LIMA1: variants seen among roughly 807,000 people sequenced by gnomAD.
LIMA1 encodes LIM domain and actin-binding protein 1.
A neutral mutation model predicts 62.6 loss-of-function variants in LIMA1; 52 were observed. The observed-to-expected ratio is 0.83, with a 90% CI of 0.67 to 1.05. The LOEUF is 1.05. LIMA1 is among the 50% of genes least tolerant of loss of function. The pLI is 0.00. For synonymous variants in LIMA1, 302 were observed against 317.8 expected (o/e 0.95, Z 0.53); for missense variants, 780 against 902.2 (o/e 0.86, Z 1.74).
chr12:50,222,448 G>T lies in LIMA1; in HGVS notation c.203C>A (p.Thr68Asn). The change falls in exon 4 of 11, where the codon ACC becomes AAC. Residue 68 changes from threonine (T) to asparagine (N), a missense_variant. By Grantham distance (65) the Thr-to-Asn change is moderately conservative. Transcript: ENST00000341247. ...ENLSQHFRKG[T>N]LTVLKKKWEN... ...CCACTTCTTCTTTAACACAGTCAGG[G>T]TCCCCTTTCTAAAGTGCTGGGAGAG... 6.2e-7 allele frequency: 1 copy of T among 1,614,110 alleles called. No individual in the cohort carries two copies. Among genetic ancestry groups the T allele is most frequent in the South Asian group, 1.1e-5 (1 of 91,080 alleles).
At chr12:50,235,046 C>T (rs1365938996) in intron 2 of LIMA1, among the ~76,000 whole-genome samples, 1 of 152,036 alleles carries the variant, frequency 6.6e-6, no homozygotes, top group East Asian at 1.9e-4. Context: ...AATTCTCCTA[C>T]CTCAGCCTTG....
intron 3 of LIMA1, among the ~76,000 whole-genome samples, chr12:50,231,001 C>A (rs959464437): frequency 6.6e-6 from 1 of 152,176 alleles, no homozygotes; most frequent in African/African-American, 2.4e-5. Context: ...AGGTTAGCTA[C>A]TGAAAACTGC....
chr12:50,197,549 T>C (rs1271697415), intron 7 of LIMA1, among the ~76,000 whole-genome samples: 1 of 152,188 alleles, frequency 6.6e-6, no homozygotes, highest in Admixed American at 6.6e-5. Flanking sequence ...TGTCTTTATC[T>C]CCTTTCTTCC....
intron 1 of LIMA1, among the ~76,000 whole-genome samples, chr12:50,261,726 G>GGT (rs1942075856): frequency 6.6e-6 from 1 of 152,108 alleles, no homozygotes; most frequent in African/African-American, 2.4e-5. Flanking sequence ...GGAACGCAGT[G>GGT]GTGTGATCAT....
At position 50,248,778 on chromosome 12, in the gene LIMA1, T is replaced by C; in HGVS notation, c.-23-4A>G. The C allele has an allele frequency of 7.6e-7, 1 of 1,308,062 alleles. No homozygotes were observed. Among genetic ancestry groups the C allele is most frequent in the Non-Finnish European group, 1.1e-6 (1 of 902,630 alleles). The allele number at this position is 1,308,062 out of a possible 1,614,324, so 81.0% of individuals were successfully genotyped here. A position where few individuals can be genotyped will look rare whatever the true frequency, so the allele number is the denominator to read the frequency against. On this transcript the variant is annotated splice_region_variant and splice_polypyrimidine_tract_variant and intron_variant, in intron 1 of 10. Coordinates refer to ENST00000341247, the MANE Select transcript of LIMA1 (RefSeq NM_016357.5). ...TTGTCTACAGACACTGAAATACCTA[T>C]GCAATAAAGAAAGTCAGAACATTAG...
chr12:50,196,906 G>A (rs780053219), intron 7 of LIMA1, among the ~76,000 whole-genome samples: 10 of 151,978 alleles, frequency 6.6e-5, no homozygotes, highest in South Asian at 2.1e-4. Context: ...TCAACTAATC[G>A]CCTTACAAAT....
intron 1 of LIMA1, among the ~76,000 whole-genome samples, chr12:50,267,061 A>C (rs1483953485): frequency 6.6e-6 from 1 of 151,050 alleles, no homozygotes; most frequent in Non-Finnish European, 1.5e-5. Flanking sequence ...TGCCCAGCTA[A>C]TTTTTTTATT....
At chr12:50,253,397 T>C (rs1941954537) in intron 1 of LIMA1, among the ~76,000 whole-genome samples, 3 of 152,226 alleles carry the variant, frequency 2.0e-5, no homozygotes, top group Non-Finnish European at 4.4e-5. Flanking sequence ...ATATTAACTT[T>C]ACAAAGATCA....
intron 1 of LIMA1, among the ~76,000 whole-genome samples, chr12:50,279,945 T>C (rs1031440844): frequency 1.3e-5 from 2 of 152,136 alleles, no homozygotes; most frequent in African/African-American, 4.8e-5. Flanking sequence ...TTGGGACTAA[T>C]TTATGGGTAA....
intron 1 of LIMA1, among the ~76,000 whole-genome samples, chr12:50,259,026 C>G (rs776477662): frequency 2.0e-5 from 3 of 152,098 alleles, no homozygotes; most frequent in Admixed American, 6.6e-5. Flanking sequence ...TCTAGTATTC[C>G]CTCTTGGCTT....
intron 4 of LIMA1, among the ~76,000 whole-genome samples, chr12:50,211,874 CT>C (rs1474636124): frequency 4.6e-5 from 7 of 152,068 alleles, no homozygotes; most frequent in Admixed American, 3.9e-4. Context: ...GCTCTTTTTA[CT>C]CAGACACTTG....
chr12:50,198,703 C>T (rs1030724896), intron 7 of LIMA1, among the ~76,000 whole-genome samples: 7 of 152,174 alleles, frequency 4.6e-5, no homozygotes, highest in Non-Finnish European at 1.0e-4. Flanking sequence ...GATTAAATCA[C>T]TGTAATAGAT....
chr12:50,260,471 T>G (rs954387002), intron 1 of LIMA1, among the ~76,000 whole-genome samples: 2 of 152,182 alleles, frequency 1.3e-5, no homozygotes, highest in South Asian at 2.1e-4. Context: ...TTCTACTCCA[T>G]GCTGGATAGT....
At chr12:50,242,581 A>G (rs11169335) in intron 2 of LIMA1, among the ~76,000 whole-genome samples, 56,602 of 151,960 alleles carry the variant, frequency 0.37, 11,286 homozygotes, top group African/African-American at 0.5. Flanking sequence ...AGGGATCTTC[A>G]TGCTGTGATC....
chr12:50,203,397 T>C (rs1475408507), intron 6 of LIMA1, among the ~76,000 whole-genome samples: 1 of 152,064 alleles, frequency 6.6e-6, no homozygotes, highest in Non-Finnish European at 1.5e-5. Flanking sequence ...GACCCTCCAT[T>C]GTATTTTGAA....
chr12:50,193,570 G>GAT (rs67576611), intron 8 of LIMA1, among the ~76,000 whole-genome samples: 40 of 114,436 alleles, frequency 3.5e-4, no homozygotes, highest in Middle Eastern at 0.011. Flanking sequence ...ATGTATATAT[G>GAT]ATATATATAT....
chr12:50,270,622 A>G (rs1225546068), intron 1 of LIMA1, among the ~76,000 whole-genome samples: 2 of 149,728 alleles, frequency 1.3e-5, no homozygotes, highest in Non-Finnish European at 3.0e-5. Flanking sequence ...AAAAAAAAAA[A>G]AAAAAAAGAA....
intron 4 of LIMA1, chr12:50,219,590 C>T (rs1249516595): frequency 6.6e-6 from 1 of 152,202 alleles, no homozygotes; most frequent in Admixed American, 6.5e-5. Context: ...GTGTTTTCCA[C>T]TCCCTAAGCA....
At chr12:50,193,549 ATATATCATATAT>A (rs1940838449) in intron 8 of LIMA1, among the ~76,000 whole-genome samples, 1 of 134,344 alleles carries the variant, frequency 7.4e-6, no homozygotes, top group African/African-American at 3.0e-5. Flanking sequence ...ATATATACAT[ATATATCATATAT>A]GTATATATGA....
Sources: allele counts gnomAD v4.1 joint callset (sites outside exome capture counted in the v4.1 genomes callset), GRCh38; gene constraint gnomAD v4.1.1; transcripts MANE v1.5; gene names NCBI Gene and HGNC (gene_info 2026-07-23, HGNC 2026-07-21).